The following CENPP variants were observed in gnomAD, a reference collection of about 807,000 sequenced individuals.
CENPP encodes the protein centromere protein P.
CENPP carries 24 observed loss-of-function variants against 35.6 expected under a neutral mutation model. That is an observed-to-expected ratio of 0.67 (90% CI 0.49 to 0.95). The LOEUF (loss-of-function observed/expected upper bound fraction) is 0.95. Ranked by LOEUF, CENPP falls within the 40% of genes least tolerant of loss-of-function variation. The probability of loss-of-function intolerance (pLI) is 0.00; values close to 1 mark genes in which losing one functional copy is unlikely to be tolerated. For missense variants in CENPP, 332 were observed against 345.3 expected, an observed-to-expected ratio of 0.96 and a Z score of 0.31; for synonymous variants, 120 against 125.5, an observed-to-expected ratio of 0.96 and a Z score of 0.29.
chr9:92,567,985 T>C (rs1009248649), intron 5 of CENPP, among the ~76,000 whole-genome samples: 5 of 152,158 alleles, frequency 3.3e-5, no homozygotes, highest in Non-Finnish European at 7.4e-5. Context: ...ATGACAAAAG[T>C]AAATCCTTCC....
intron 5 of CENPP, 79 bp downstream of exon 5, chr9:92,379,938 T>G: frequency 1.1e-6 from 1 of 909,664 alleles, no homozygotes; most frequent in Admixed American, 2.1e-5. Context: ...CCTAACATCC[T>G]TTTCTTAAAA....
At chr9:92,358,535 C>T (rs369844256) in intron 4 of CENPP, among the ~76,000 whole-genome samples, 3 of 152,134 alleles carry the variant, frequency 2.0e-5, no homozygotes, top group South Asian at 2.1e-4. Flanking sequence ...TGAGCCACCA[C>T]GCTCAGCTAG....
intron 4 of CENPP, among the ~76,000 whole-genome samples, chr9:92,372,838 T>C (rs1588068896): frequency 1.3e-5 from 2 of 151,690 alleles, no homozygotes; most frequent in Non-Finnish European, 2.9e-5. Context: ...TTTTGATAGG[T>C]GACTAGACTC....
intron 5 of CENPP, among the ~76,000 whole-genome samples, chr9:92,504,731 G>T (rs1846892482): frequency 6.6e-6 from 1 of 151,994 alleles, no homozygotes; most frequent in Non-Finnish European, 1.5e-5. Context: ...TAGAGACAAG[G>T]TCTCACTATG....
At chr9:92,379,402 G>A (rs1382426298) in intron 4 of CENPP, among the ~76,000 whole-genome samples, 1 of 152,208 alleles carries the variant, frequency 6.6e-6, no homozygotes, top group Non-Finnish European at 1.5e-5. Context: ...TATCACTCAG[G>A]AAGTTCCAAG....
intron 5 of CENPP, among the ~76,000 whole-genome samples, chr9:92,592,565 C>A (rs1850691366): frequency 6.6e-6 from 1 of 152,162 alleles, no homozygotes. Flanking sequence ...CTGGGTATTC[C>A]TCAGTTCTGG....
chr9:92,546,089 G>GT (rs1849437547), intron 5 of CENPP, among the ~76,000 whole-genome samples: 1 of 152,020 alleles, frequency 6.6e-6, no homozygotes. Context: ...CTAGCTCAGG[G>GT]TTTGTGAATG....
chr9:92,528,565 A>G (rs1848555656), intron 5 of CENPP, among the ~76,000 whole-genome samples: 1 of 152,204 alleles, frequency 6.6e-6, no homozygotes, highest in African/African-American at 2.4e-5. Flanking sequence ...AAACAAAACA[A>G]AAAAAACAGG....
rs558424870 is a variant in CENPP at position 92,544,041 on chromosome 9, A to C, written c.565-67273A>C. On this transcript the variant is annotated intron_variant, in intron 5 of 7. Transcript: ENST00000375587. ...ATTTTTTATTTCTTTCTCTTATCTA[A>C]TTGCTCTGGCTAGGACTACCAGTTT... 3.7e-4 allele frequency among the ~76,000 whole-genome samples: 57 copies of C among 152,286 alleles called. 1 individual carries two copies. Among genetic ancestry groups the C allele is most frequent in the Admixed American group, 1.9e-3 (29 of 15,300 alleles).
rs560305739 is a variant in CENPP at position 92,566,170 on chromosome 9, G to A, written c.565-45144G>A. ...ACAAAAATTAGCCGGGCGTGATGTCGGGTGCCTGTAATCCCAGCTACTCGG... is the reference window on the plus strand; with the variant it reads ...ACAAAAATTAGCCGGGCGTGATGTCAGGTGCCTGTAATCCCAGCTACTCGG... On this transcript the variant is annotated intron_variant, in intron 5 of 7. Coordinates refer to ENST00000375587, the MANE Select transcript of CENPP (RefSeq NM_001012267.3). Among the ~76,000 whole-genome samples, 32 of 151,646 alleles carry A rather than the reference G, an allele frequency of 2.1e-4. 1 individual carries two copies. Among genetic ancestry groups the A allele is most frequent in the South Asian group, 8.4e-4 (4 of 4,772 alleles).
chr9:92,582,277 C>T (rs772706258), intron 5 of CENPP, among the ~76,000 whole-genome samples: 42 of 152,094 alleles, frequency 2.8e-4, no homozygotes, highest in Admixed American at 1.2e-3. Context: ...AGGCTGGTCT[C>T]GAACTCCTGA....
intron 4 of CENPP, among the ~76,000 whole-genome samples, chr9:92,357,150 T>C (rs1274269183): frequency 6.6e-6 from 1 of 152,118 alleles, no homozygotes. Flanking sequence ...GTTGCAAAAA[T>C]ACTAGCTTTT....
chr9:92,468,823 G>A (rs1845407901), intron 5 of CENPP, among the ~76,000 whole-genome samples: 1 of 152,120 alleles, frequency 6.6e-6, no homozygotes, highest in Non-Finnish European at 1.5e-5. Context: ...CACCTGACAT[G>A]CATTTCTCAA....
intron 5 of CENPP, among the ~76,000 whole-genome samples, chr9:92,558,447 T>A (rs898913891): frequency 6.6e-6 from 1 of 152,220 alleles, no homozygotes; most frequent in African/African-American, 2.4e-5. Context: ...TGCCCGGCTC[T>A]GGGCTGGTAC....
intron 5 of CENPP, among the ~76,000 whole-genome samples, chr9:92,529,375 G>A (rs1848606065): frequency 6.6e-6 from 1 of 152,184 alleles, no homozygotes; most frequent in African/African-American, 2.4e-5. Flanking sequence ...AAATGGTACA[G>A]CCACTTTGGA....
chr9:92,608,033 T>C (rs1323498881), intron 5 of CENPP, among the ~76,000 whole-genome samples: 2 of 152,194 alleles, frequency 1.3e-5, no homozygotes, highest in African/African-American at 4.8e-5. Flanking sequence ...AGGCGGGGGC[T>C]CCAGAGGGGA....
chr9:92,331,769 T>G (rs1293410935), intron 1 of CENPP, among the ~76,000 whole-genome samples: 2 of 152,140 alleles, frequency 1.3e-5, no homozygotes, highest in African/African-American at 2.4e-5. Flanking sequence ...AAGACCAGCC[T>G]AGGTAATAAA....
intron 5 of CENPP, among the ~76,000 whole-genome samples, chr9:92,543,832 T>C (rs1849369843): frequency 6.6e-6 from 1 of 152,228 alleles, no homozygotes; most frequent in South Asian, 2.1e-4. Context: ...GATTTCTTTT[T>C]CATGTAGTTT....
Position 92,619,519 on chromosome 9 carries a change from A to G in CENPP, c.*6370A>G, listed in dbSNP as rs777333231. The G allele has an allele frequency of 6.3e-7, 1 of 1,593,616 alleles. No individual in the cohort carries two copies. The highest frequency in any genetic ancestry group is 8.5e-7 in the Non-Finnish European group (1 of 1,170,514). ...CTGCAGACAGGGAGACAGTGCAATC[A>G]TGATGGAGCAGTCCTTGGCAGTCAT... is the stretch of plus-strand genomic sequence containing the variant. On this transcript the variant is annotated 3_prime_UTR_variant, in exon 8 of 8. Transcript: ENST00000375587.
Sources: gnomAD v4.1 joint callset for allele counts (sites outside exome capture counted in the v4.1 genomes callset) on GRCh38, gnomAD v4.1.1 for gene constraint, MANE v1.5 for transcripts, NCBI Gene and HGNC (gene_info 2026-07-23, HGNC 2026-07-21) for gene names.